ZFHX3: variants seen among roughly 807,000 people sequenced by gnomAD.
ZFHX3 encodes the protein zinc finger homeobox 3.
In ZFHX3, 42 loss-of-function variants were observed where a neutral mutation model predicts 279.1. That is an observed-to-expected ratio of 0.15 (90% CI 0.12 to 0.19). ZFHX3 has a LOEUF of 0.19. Ranked by LOEUF, ZFHX3 falls within the 10% of genes least tolerant of loss-of-function variation. The pLI is 1.00. For missense variants in ZFHX3, 4,981 were observed against 4,754.0 expected (o/e 1.05, Z -1.40); for synonymous variants, 2,293 against 1,957.8 (o/e 1.17, Z -4.52).
At chr16:72,939,213 C>T (rs748937351) in intron 3 of ZFHX3, among the ~76,000 whole-genome samples, 5 of 152,130 alleles carry the variant, frequency 3.3e-5, no homozygotes, top group Admixed American at 6.5e-5. Flanking sequence ...CAGCTGGGGA[C>T]GAGCCAGTGG....
At chr16:73,399,739 C>T (rs1382302999) in intron 3 of ZFHX3, among the ~76,000 whole-genome samples, 1 of 151,944 alleles carries the variant, frequency 6.6e-6, no homozygotes, top group Non-Finnish European at 1.5e-5. Context: ...CAGCATCACC[C>T]TAATTATGAT....
chr16:73,716,799 G>A (rs1021927034), intron 1 of ZFHX3, among the ~76,000 whole-genome samples: 1 of 151,966 alleles, frequency 6.6e-6, no homozygotes, highest in South Asian at 2.1e-4. Context: ...AAGCATTATC[G>A]ATTTTTGCCA....
intron 6 of ZFHX3, among the ~76,000 whole-genome samples, chr16:73,132,865 G>T (rs1966716277): frequency 6.6e-6 from 1 of 152,180 alleles, no homozygotes; most frequent in African/African-American, 2.4e-5. Context: ...GCTCGATGTT[G>T]GCCATCTCTC....
chr16:73,490,428 A>G (rs1356783391), intron 2 of ZFHX3, among the ~76,000 whole-genome samples: 2 of 152,248 alleles, frequency 1.3e-5, no homozygotes, highest in African/African-American at 4.8e-5. Flanking sequence ...GGTTTAACCA[A>G]TGTGGAAATT....
intron 1 of ZFHX3, among the ~76,000 whole-genome samples, chr16:72,968,706 G>C (rs1196692448): frequency 6.6e-6 from 1 of 151,976 alleles, no homozygotes; most frequent in Non-Finnish European, 1.5e-5. Flanking sequence ...CCAGTGATCC[G>C]CCCACCTCAG....
chr16:72,787,460 A>AGGGGGGGGG lies in ZFHX3; in HGVS notation c.10815_10816insCCCCCCCCC (p.Pro3605_Ser3606insProProPro). The stretch of plus-strand genomic sequence containing the variant: ...CTGGAGGCGTGGGGGGAAGCGGAGG[A>AGGGGGGGGG]GGGGGCGGCGGCCGACGGGGGAGGG... On this transcript the variant is annotated inframe_insertion, in exon 10 of 10. Coordinates refer to ENST00000268489, the MANE Select transcript of ZFHX3 (RefSeq NM_006885.4). The AGGGGGGGGG allele has an allele frequency of 9.6e-7, 1 of 1,037,940 alleles. No homozygotes were observed. The allele number at this position is 1,037,940 out of a possible 1,614,324, so 64.3% of individuals were successfully genotyped here.
intron 5 of ZFHX3, among the ~76,000 whole-genome samples, chr16:73,200,296 C>T (rs1478460352): frequency 6.6e-6 from 1 of 152,058 alleles, no homozygotes; most frequent in Admixed American, 6.6e-5. Context: ...AAAAAAATTA[C>T]TCAGCTATTT....
intron 1 of ZFHX3, among the ~76,000 whole-genome samples, chr16:73,776,988 C>T (rs1271838261): frequency 2.0e-5 from 3 of 152,136 alleles, no homozygotes; most frequent in Non-Finnish European, 2.9e-5. Context: ...AGGCAACATC[C>T]GGAGCTAGGA....
chr16:73,257,005 C>A (rs1296936880), intron 5 of ZFHX3: 1 of 151,954 alleles, frequency 6.6e-6, no homozygotes, highest in African/African-American at 2.4e-5. Context: ...GTTGCCAAAA[C>A]AAACACTAGA....
chr16:73,030,032 A>G (rs533199169), intron 1 of ZFHX3, among the ~76,000 whole-genome samples: 1 of 152,336 alleles, frequency 6.6e-6, no homozygotes, highest in East Asian at 1.9e-4. Context: ...AGTGATAAAT[A>G]CTAATAACCC....
Position 73,853,124 on chromosome 16 carries a change from A to G in ZFHX3, c.-1608+38527T>C, listed in dbSNP as rs374751298. On this transcript the variant is annotated intron_variant, in intron 1 of 17. Coordinates refer to the ZFHX3 transcript ENST00000641206. Reference sequence around the variant, plus strand: ...ATAAATGCAAATTAAGACCACAATGAGAGATTATCTCATGCCAGTTAAAAT... The same window carrying G: ...ATAAATGCAAATTAAGACCACAATGGGAGATTATCTCATGCCAGTTAAAAT... 1.4e-4 allele frequency among the ~76,000 whole-genome samples: 22 copies of G among 152,362 alleles called. 1 individual carries two copies. The highest frequency in any genetic ancestry group is 7.7e-4 in the East Asian group (4 of 5,184).
At chr16:72,948,349 AC>A in intron 3 of ZFHX3, among the ~76,000 whole-genome samples, 1 of 152,176 alleles carries the variant, frequency 6.6e-6, no homozygotes, top group Admixed American at 6.5e-5. Flanking sequence ...GGACCCTTCT[AC>A]CCACGCCATC....
At chr16:73,745,783 T>C (rs532924280) in intron 1 of ZFHX3, among the ~76,000 whole-genome samples, 2 of 152,310 alleles carry the variant, frequency 1.3e-5, no homozygotes, top group South Asian at 4.2e-4. Flanking sequence ...GTAACTCAAG[T>C]TATCGATACC....
chr16:73,116,455 A>G (rs370110852), intron 7 of ZFHX3, among the ~76,000 whole-genome samples: 1 of 152,302 alleles, frequency 6.6e-6, no homozygotes, highest in South Asian at 2.1e-4. Flanking sequence ...TGGAATCGCA[A>G]GTGGAGAAGG....
chr16:73,791,332 C>A (rs765285911), intron 1 of ZFHX3, among the ~76,000 whole-genome samples: 2 of 152,152 alleles, frequency 1.3e-5, no homozygotes, highest in African/African-American at 2.4e-5. Context: ...AGTTCTCAAA[C>A]GGTAGTGTGC....
intron 1 of ZFHX3, among the ~76,000 whole-genome samples, chr16:73,875,464 T>C (rs886469627): frequency 2.0e-5 from 3 of 152,196 alleles, no homozygotes; most frequent in East Asian, 1.9e-4. Context: ...AAATACAGCA[T>C]ATAAAAATAT....
At chr16:73,418,318 T>C (rs1330438033) in intron 3 of ZFHX3, among the ~76,000 whole-genome samples, 2 of 150,978 alleles carry the variant, frequency 1.3e-5, no homozygotes, top group African/African-American at 4.8e-5. Context: ...TTGAGTGACT[T>C]TGGGGCAGCC....
At chr16:73,694,124 A>T (rs1191481316) in intron 1 of ZFHX3, among the ~76,000 whole-genome samples, 1 of 151,856 alleles carries the variant, frequency 6.6e-6, no homozygotes, top group East Asian at 2.0e-4. Context: ...GGAGTTCAAG[A>T]CCAGCCTGGC....
At chr16:73,391,980 T>C (rs2017022385) in intron 3 of ZFHX3, among the ~76,000 whole-genome samples, 1 of 152,102 alleles carries the variant, frequency 6.6e-6, no homozygotes, top group Admixed American at 6.5e-5. Context: ...CTAGGCTAAA[T>C]ATTGATCTGA....
Sources: allele counts gnomAD v4.1 joint callset (sites outside exome capture counted in the v4.1 genomes callset), GRCh38; gene constraint gnomAD v4.1.1; transcripts MANE v1.5; gene names NCBI Gene and HGNC (gene_info 2026-07-23, HGNC 2026-07-21).